Variants in PITPNM2 observed in about 807,000 individuals in gnomAD.
PITPNM2 encodes phosphatidylinositol transfer protein membrane associated 2, also known as membrane-associated phosphatidylinositol transfer protein 2.
Under a neutral mutation model 132.2 loss-of-function variants are expected in PITPNM2, and 35 were observed. The observed-to-expected ratio is 0.26, with a 90% CI of 0.20 to 0.35. The LOEUF is 0.35. Ranked by LOEUF, PITPNM2 falls within the 10% of genes least tolerant of loss-of-function variation. The pLI, the probability that PITPNM2 is intolerant of heterozygous loss-of-function variation, is 1.00. For synonymous variants in PITPNM2, 738 were observed against 799.2 expected (o/e 0.92, Z 1.29); for missense variants, 1,332 against 1,912.0 (o/e 0.70, Z 5.66).
chr12:123,034,738 A>G (rs2040212030), intron 2 of PITPNM2, 53 bp from the exon 3 acceptor site: 1 of 687,048 alleles, frequency 1.5e-6, no homozygotes, highest in Non-Finnish European at 2.6e-6. Flanking sequence ...AAGGCTGGTG[A>G]ATACCATAGC....
rs1217507380 is a variant in PITPNM2, at chr12:123,022,033, C to T, written c.79-7991G>A. Among the ~76,000 whole-genome samples, 1 of 152,202 alleles carries T rather than the reference C, an allele frequency of 6.6e-6. No homozygotes were observed. Among genetic ancestry groups the T allele is most frequent in the African/African-American group, 2.4e-5 (1 of 41,442 alleles). On this transcript the variant is annotated intron_variant, in intron 3 of 25. Transcript: ENST00000320201. This position sits in a 1 kb window ranked among gnomAD's most constrained non-coding sequence, Gnocchi z 4.9. ...GAGAGTGGCAGGGGAATCGCCATGG[C>T]TCCAAAGCCAGATGTCTCCATGGCT...
intron 2 of PITPNM2, among the ~76,000 whole-genome samples, chr12:123,042,987 CCT>C (rs1405127994): frequency 3.3e-5 from 5 of 152,092 alleles, no homozygotes; most frequent in African/African-American, 1.2e-4. Flanking sequence ...TGATCAGCTG[CCT>C]CTCTGTGTCC....
rs996666676 is a variant in PITPNM2 at position 122,997,050 on chromosome 12, G to A, written c.1473-140C>T. On this transcript the variant is annotated intron_variant, in intron 11 of 25. Transcript: ENST00000320201. ...CCCGGCCAGGGCCTGGATAGGCTTGGGGGACCAGGGTGGGTAAGACCCCAT... is the reference window on the plus strand; with the variant it reads ...CCCGGCCAGGGCCTGGATAGGCTTGAGGGACCAGGGTGGGTAAGACCCCAT... The A allele has an allele frequency of 4.1e-6, 4 of 983,982 alleles. No homozygotes were observed. In the African/African-American group the frequency reaches 4.9e-5, roughly 12 times the overall value. The allele number at this position is 983,982 out of a possible 1,614,324, so 61.0% of individuals were successfully genotyped here.
At position 123,097,983 on chromosome 12, in the gene PITPNM2, A is replaced by T. The variant is rs2042455365; in HGVS notation, c.-96+12402T>A. Among the ~76,000 whole-genome samples, 1 of 152,244 alleles carries T rather than the reference A, an allele frequency of 6.6e-6. No homozygotes were observed. Among genetic ancestry groups the T allele is most frequent in the Non-Finnish European group, 1.5e-5 (1 of 68,046 alleles). On this transcript the variant is annotated intron_variant, in intron 2 of 25. Coordinates refer to ENST00000320201, the MANE Select transcript of PITPNM2 (RefSeq NM_020845.3). This position sits in a 1 kb window ranked among gnomAD's most constrained non-coding sequence, Gnocchi z 4.7. ...AATGATACATCACAGCCGCCAGGCC[A>T]CAGGGAGACCAAAGGTGACAGAGAT...
chr12:122,989,717 A>C, intron 18 of PITPNM2, 70 bp downstream of exon 18: 2 of 1,306,146 alleles, frequency 1.5e-6, no homozygotes, highest in Non-Finnish European at 2.0e-6. Context: ...CTAGGTGGGC[A>C]GAGCCTGGCA....
intron 1 of PITPNM2, among the ~76,000 whole-genome samples, chr12:123,128,785 T>C (rs1593030671): frequency 6.7e-6 from 1 of 149,040 alleles, no homozygotes; most frequent in Non-Finnish European, 1.5e-5. Flanking sequence ...TAGCTACCGA[T>C]GGGAGATATT....
intron 3 of PITPNM2, among the ~76,000 whole-genome samples, chr12:123,015,966 T>C (rs1054542744): frequency 6.6e-6 from 1 of 152,122 alleles, no homozygotes; most frequent in Non-Finnish European, 1.5e-5. Flanking sequence ...AAAGAAGATA[T>C]ACGAATGGCC....
chr12:123,118,800 G>A (rs1051425076), intron 1 of PITPNM2, among the ~76,000 whole-genome samples: 2 of 152,138 alleles, frequency 1.3e-5, no homozygotes, highest in African/African-American at 2.4e-5. Context: ...ATGTCAACAC[G>A]GCAGCACCAT....
Position 123,058,305 on chromosome 12 carries a change from T to C in PITPNM2, c.-95-23620A>G, listed in dbSNP as rs1261503467. Reference sequence around the variant, plus strand: ...TGAGCCATGGGAAGAACACCTGCTATGTCTCCCTCTAATTTGCCTTCTGCC... The same window carrying C: ...TGAGCCATGGGAAGAACACCTGCTACGTCTCCCTCTAATTTGCCTTCTGCC... On this transcript the variant is annotated intron_variant, in intron 2 of 25. Coordinates refer to ENST00000320201, the MANE Select transcript of PITPNM2 (RefSeq NM_020845.3). This position sits in a 1 kb window ranked among gnomAD's most constrained non-coding sequence, Gnocchi z 4.0. Among the ~76,000 whole-genome samples the C allele has an allele frequency of 1.3e-5, 2 of 152,200 alleles. No individual in the cohort carries two copies. Among genetic ancestry groups the C allele is most frequent in the African/African-American group, 4.8e-5 (2 of 41,452 alleles).
intron 5 of PITPNM2, 76 bp from the exon 6 acceptor site, chr12:123,010,153 C>T: frequency 2.4e-6 from 3 of 1,256,654 alleles, no homozygotes; most frequent in African/African-American, 3.0e-5. Context: ...GTTCCTCCAC[C>T]CCCAAATCCT....
chr12:122,986,270 G>A lies in PITPNM2; in HGVS notation c.3807C>T (p.Thr1269=), dbSNP rs2037928216. Residue 1269 remains threonine (T), a synonymous_variant, in exon 26 of 26, where the codon ACC becomes ACT. Transcript: ENST00000320201. ...HRARPARNTA[T]RMALRKGSFG... ...AGCTGCCCTTGCGCAGCGCCATGCG[G>A]GTGGCCGTGTTGCGAGCGGGCCGCG... is the stretch of plus-strand genomic sequence containing the variant. 7.6e-6 allele frequency: 12 copies of A among 1,583,216 alleles called. No individual in the cohort carries two copies. Among genetic ancestry groups the A allele is most frequent in the Non-Finnish European group, 1.0e-5 (12 of 1,169,390 alleles).
intron 2 of PITPNM2, among the ~76,000 whole-genome samples, chr12:123,107,970 G>A (rs1177550019): frequency 6.6e-6 from 1 of 152,180 alleles, no homozygotes; most frequent in African/African-American, 2.4e-5. Context: ...AGGCTAATGC[G>A]GACCCAGGCC....
chr12:123,075,580 A>G (rs1175152731), intron 2 of PITPNM2: 1 of 152,256 alleles, frequency 6.6e-6, no homozygotes, highest in Non-Finnish European at 1.5e-5. Context: ...TCACCGCCTG[A>G]AAGCCAGCCA....
intron 1 of PITPNM2, among the ~76,000 whole-genome samples, chr12:123,143,710 ACAGGGTC>A (rs2043554181): frequency 6.6e-6 from 1 of 152,214 alleles, no homozygotes; most frequent in Non-Finnish European, 1.5e-5. Flanking sequence ...GCATGAAAGT[ACAGGGTC>A]CCTCCTACCT....
intron 3 of PITPNM2, among the ~76,000 whole-genome samples, chr12:123,028,885 G>T (rs2039966317): frequency 6.6e-6 from 1 of 152,162 alleles, no homozygotes; most frequent in Non-Finnish European, 1.5e-5. Flanking sequence ...CCTGCAGGAG[G>T]GGCAAGAGCT....
intron 2 of PITPNM2, among the ~76,000 whole-genome samples, chr12:123,062,935 C>T (rs1201252133): frequency 1.3e-5 from 2 of 152,234 alleles, no homozygotes; most frequent in Non-Finnish European, 2.9e-5. Context: ...CTCTAAAACT[C>T]ACCAGGCCCT....
chr12:123,028,954 T>G (rs1256190760), intron 3 of PITPNM2, among the ~76,000 whole-genome samples: 1 of 152,150 alleles, frequency 6.6e-6, no homozygotes, highest in Non-Finnish European at 1.5e-5. Flanking sequence ...GCACAGGTAG[T>G]GCCTTGGGTC....
chr12:123,015,679 T>C lies in PITPNM2; in HGVS notation c.79-1637A>G, dbSNP rs183952874. On this transcript the variant is annotated intron_variant, in intron 3 of 25. Coordinates refer to ENST00000320201, the MANE Select transcript of PITPNM2 (RefSeq NM_020845.3). ...ACTGGGGCAAACAAGGTCATCTTTA[T>C]GACCTTGGATTTGGCAATGCTTTCT... Among the ~76,000 whole-genome samples the C allele has an allele frequency of 3.9e-5, 6 of 152,306 alleles. No individual in the cohort carries two copies. In the East Asian group the frequency reaches 1.2e-3, roughly 29 times the overall value.
chr12:123,107,648 G>A (rs1276705034), intron 2 of PITPNM2, among the ~76,000 whole-genome samples: 2 of 152,136 alleles, frequency 1.3e-5, no homozygotes, highest in Admixed American at 6.6e-5. Flanking sequence ...CATGACTCTC[G>A]CTACCAGGGC....
Sources: allele counts gnomAD v4.1 joint callset (sites outside exome capture counted in the v4.1 genomes callset), GRCh38; gene constraint gnomAD v4.1.1; non-coding constraint Gnocchi (gnomAD v3.1); transcripts MANE v1.5; gene names NCBI Gene and HGNC (gene_info 2026-07-23, HGNC 2026-07-21).